Variants in DOCK7 observed in about 807,000 individuals in gnomAD.
The protein encoded by DOCK7 is dedicator of cytokinesis 7, also known as dedicator of cytokinesis protein 7.
In DOCK7, 138 loss-of-function variants were observed where a neutral mutation model predicts 271.0. That is an observed-to-expected ratio of 0.51 (90% CI 0.44 to 0.59). DOCK7 has a LOEUF of 0.59. Ranked by LOEUF, DOCK7 falls within the 20% of genes least tolerant of loss-of-function variation. The pLI is 0.00. For missense variants in DOCK7, 2,066 were observed against 2,592.4 expected (o/e 0.80, Z 4.41); for synonymous variants, 823 against 876.1 (o/e 0.94, Z 1.07).
intron 1 of DOCK7, among the ~76,000 whole-genome samples, chr1:62,680,715 G>C (rs981782733): frequency 3.3e-5 from 5 of 151,744 alleles, no homozygotes; most frequent in Admixed American, 6.6e-5. Flanking sequence ...CCATCAAAAA[G>C]TGGGCAAAGG....
intron 33 of DOCK7, among the ~76,000 whole-genome samples, chr1:62,512,112 T>C (rs1017622268): frequency 5.3e-5 from 8 of 152,246 alleles, no homozygotes; most frequent in Non-Finnish European, 1.0e-4. Context: ...GCAAAGACTG[T>C]GCCTTTTCAT....
At chr1:62,542,496 G>A in intron 25 of DOCK7, 112 bp downstream of exon 25, 1 of 1,018,154 alleles carries the variant, frequency 9.8e-7, no homozygotes, top group South Asian at 1.7e-5. Flanking sequence ...GAGGCACATG[G>A]AAAAGCGTTA....
At chr1:62,579,081 G>T in intron 16 of DOCK7, 115 bp from the exon 17 acceptor site, 2 of 1,033,604 alleles carry the variant, frequency 1.9e-6, no homozygotes, top group East Asian at 3.1e-5. Context: ...TTTTCCTCTA[G>T]TCCAAAATAT....
At chr1:62,464,015 A>G (rs988570108) in intron 48 of DOCK7, among the ~76,000 whole-genome samples, 4 of 152,194 alleles carry the variant, frequency 2.6e-5, no homozygotes, top group African/African-American at 9.7e-5. Context: ...CCCCAAAACA[A>G]AAAGTAAACA....
intron 31 of DOCK7, among the ~76,000 whole-genome samples, chr1:62,520,682 G>C (rs1343478143): frequency 6.6e-6 from 1 of 152,176 alleles, no homozygotes; most frequent in Admixed American, 6.5e-5. Flanking sequence ...AACCATTGTG[G>C]AAGACAGTGT....
chr1:62,457,823 C>A, intron 48 of DOCK7, 118 bp from the exon 49 acceptor site: 2 of 954,160 alleles, frequency 2.1e-6, no homozygotes, highest in South Asian at 3.2e-5. Context: ...ACAACACAGA[C>A]TATATATGTG....
intron 14 of DOCK7, chr1:62,598,903 T>C: frequency 1.3e-6 from 1 of 770,900 alleles, no homozygotes; most frequent in Non-Finnish European, 2.3e-6. Context: ...GGATCATGAG[T>C]AAAATTATCA....
intron 7 of DOCK7, chr1:62,638,323 AAT>A (rs1482895090): frequency 6.6e-6 from 1 of 151,980 alleles, no homozygotes; most frequent in Admixed American, 6.6e-5. Flanking sequence ...AAAATGTGTC[AAT>A]GTTTTCTTCT....
chr1:62,581,395 G>GT (rs1647116564), intron 16 of DOCK7, among the ~76,000 whole-genome samples: 1 of 152,130 alleles, frequency 6.6e-6, no homozygotes, highest in Non-Finnish European at 1.5e-5. Context: ...TTGCGCCAGA[G>GT]TAACTGGAAA....
chr1:62,495,362 C>T (rs986459027), intron 39 of DOCK7: 8 of 284,080 alleles, frequency 2.8e-5, no homozygotes, highest in African/African-American at 1.3e-4. Flanking sequence ...GAGGCCAAGA[C>T]AGGCAGATCT....
intron 1 of DOCK7, among the ~76,000 whole-genome samples, chr1:62,668,840 G>C (rs1347234752): frequency 6.6e-6 from 1 of 151,146 alleles, no homozygotes; most frequent in African/African-American, 2.4e-5. Flanking sequence ...CAGGAGGACA[G>C]CTTGAGCCCA....
intron 18 of DOCK7, among the ~76,000 whole-genome samples, chr1:62,568,774 A>AG (rs1421829645): frequency 6.6e-6 from 1 of 151,674 alleles, no homozygotes; most frequent in Non-Finnish European, 1.5e-5. Flanking sequence ...AGACACAAAA[A>AG]ACCCTTCAAA....
intron 1 of DOCK7, among the ~76,000 whole-genome samples, chr1:62,664,326 C>T (rs1659022876): frequency 6.6e-6 from 1 of 152,120 alleles, no homozygotes; most frequent in African/African-American, 2.4e-5. Flanking sequence ...TCAGTTTCCC[C>T]CATACTGTTC....
At chr1:62,466,669 C>T (rs557472074) in intron 48 of DOCK7, among the ~76,000 whole-genome samples, 2 of 152,216 alleles carry the variant, frequency 1.3e-5, no homozygotes, top group South Asian at 2.1e-4. Flanking sequence ...CTGTGGCTCA[C>T]GCCTGTAATC....
At chr1:62,495,381 CAGG>C (rs1403015865) in intron 39 of DOCK7, 197 bp downstream of exon 39, 2 of 316,398 alleles carry the variant, frequency 6.3e-6, no homozygotes, top group Non-Finnish European at 1.1e-5. Context: ...CTCTTGAGCC[CAGG>C]AGTTCAAGAC....
chr1:62,509,004 G>GTCTTTATTATTACCACTAA (rs1372381745), intron 34 of DOCK7, among the ~76,000 whole-genome samples: 7 of 152,200 alleles, frequency 4.6e-5, no homozygotes, highest in African/African-American at 1.7e-4. Flanking sequence ...AAGTCTGTGA[G>GTCTTTATTATTACCACTAA]TCTTTATTAT....
At chr1:62,593,468 G>T (rs1299408132) in intron 14 of DOCK7, among the ~76,000 whole-genome samples, 8 of 152,238 alleles carry the variant, frequency 5.3e-5, no homozygotes, top group African/African-American at 1.9e-4. Context: ...TACTCGGGAA[G>T]CTGAGACAGG....
At chr1:62,669,657 C>T (rs941563918) in intron 1 of DOCK7, among the ~76,000 whole-genome samples, 1 of 152,254 alleles carries the variant, frequency 6.6e-6, no homozygotes, top group Non-Finnish European at 1.5e-5. Context: ...ATCTGTTTAC[C>T]TATCTCCTTA....
At chr1:62,674,804 C>T (rs1031951022) in intron 1 of DOCK7, among the ~76,000 whole-genome samples, 7 of 151,994 alleles carry the variant, frequency 4.6e-5, no homozygotes, top group African/African-American at 1.7e-4. Context: ...AAAACTAACG[C>T]AAAATGGAAC....
Sources: allele counts gnomAD v4.1 joint callset (sites outside exome capture counted in the v4.1 genomes callset), GRCh38; gene constraint gnomAD v4.1.1; transcripts MANE v1.5; gene names NCBI Gene and HGNC (gene_info 2026-07-23, HGNC 2026-07-21).